Variants in NRG3 observed in about 807,000 individuals in gnomAD.
The protein encoded by NRG3 is neuregulin 3, also known as pro-neuregulin-3, membrane-bound isoform.
A neutral mutation model predicts 66.9 loss-of-function variants in NRG3; 31 were observed. That is an observed-to-expected ratio of 0.46 (90% CI 0.35 to 0.63). The LOEUF (loss-of-function observed/expected upper bound fraction) is 0.63, where lower values mean the gene tolerates loss of function less well. Among genes scored for constraint, NRG3 ranks in the 20% least tolerant of loss-of-function variants. NRG3 has a pLI of 0.00. For missense variants in NRG3, 910 were observed against 878.9 expected (o/e 1.04, Z -0.45); for synonymous variants, 393 against 359.4 (o/e 1.09, Z -1.06).
At position 82,678,066 on chromosome 10, in the gene NRG3, G is replaced by A. The variant is rs140642449; in HGVS notation, c.954-60511G>A. Among the ~76,000 whole-genome samples, 16 of 152,232 alleles carry A rather than the reference G, an allele frequency of 1.1e-4. No individual in the cohort carries two copies. The East Asian group carries it at 1.2e-3, about 11-fold the overall frequency. On this transcript the variant is annotated intron_variant, in intron 2 of 8. Transcript: ENST00000372141. ...GAAGGACATATACCAGTTAAACTCC[G>A]CCATTTTGCCTCTTAGTGCTCATGC...
rs143401392 is a variant in NRG3, at chr10:82,729,211, A to G, written c.954-9366A>G. On this transcript the variant is annotated intron_variant, in intron 2 of 8. Transcript: ENST00000372141. ...AAACTAGAATCTCACATTTTTCACA[A>G]TAGATCTTTTGTATACTAAGAAATC... Among the ~76,000 whole-genome samples, 123 of 152,146 alleles carry G rather than the reference A, an allele frequency of 8.1e-4. 1 individual carries two copies. Among genetic ancestry groups the G allele is most frequent in the African/African-American group, 2.8e-3 (118 of 41,434 alleles).
intron 6 of NRG3, among the ~76,000 whole-genome samples, chr10:82,960,805 C>A (rs909575967): frequency 6.6e-6 from 1 of 152,054 alleles, no homozygotes; most frequent in African/African-American, 2.4e-5. Flanking sequence ...CACCTTGTGA[C>A]CCCCACCCCT....
At chr10:82,780,666 T>A (rs1591502375) in intron 3 of NRG3, among the ~76,000 whole-genome samples, 1 of 152,286 alleles carries the variant, frequency 6.6e-6, no homozygotes, top group African/African-American at 2.4e-5. Context: ...TCTAATTTTC[T>A]GGCCAACAGT....
chr10:82,380,303 A>G (rs912246251), intron 2 of NRG3, among the ~76,000 whole-genome samples: 1 of 152,120 alleles, frequency 6.6e-6, no homozygotes, highest in Non-Finnish European at 1.5e-5. Context: ...AAAACTTTTA[A>G]AAATACGTAT....
intron 2 of NRG3, among the ~76,000 whole-genome samples, chr10:82,461,588 C>T (rs780837853): frequency 1.3e-5 from 2 of 152,228 alleles, no homozygotes; most frequent in Non-Finnish European, 2.9e-5. Context: ...TAAATTTGAC[C>T]GTTTTTGACT....
intron 2 of NRG3, among the ~76,000 whole-genome samples, chr10:82,412,962 C>G (rs1317223042): frequency 1.3e-5 from 2 of 152,156 alleles, no homozygotes; most frequent in Admixed American, 1.3e-4. Flanking sequence ...GTTCTCTTGC[C>G]ATTTTCACTA....
chr10:82,141,638 T>TAA (rs534218893), intron 1 of NRG3, among the ~76,000 whole-genome samples: 7 of 149,374 alleles, frequency 4.7e-5, no homozygotes, highest in African/African-American at 1.7e-4. Context: ...TCTCTTAAAA[T>TAA]AAAAAAAAAA....
chr10:82,715,720 G>A (rs912922398), intron 2 of NRG3, among the ~76,000 whole-genome samples: 2 of 152,254 alleles, frequency 1.3e-5, no homozygotes, highest in East Asian at 1.9e-4. Context: ...CAGTGTCACT[G>A]GAAGGTTAAG....
At chr10:81,972,617 A>G (rs2059971880) in intron 1 of NRG3, among the ~76,000 whole-genome samples, 1 of 152,194 alleles carries the variant, frequency 6.6e-6, no homozygotes, top group Admixed American at 6.5e-5. Flanking sequence ...TCATGAAATA[A>G]AACTAATAGA....
intron 1 of NRG3, among the ~76,000 whole-genome samples, chr10:82,050,514 G>A (rs576493976): frequency 1.3e-5 from 2 of 151,960 alleles, no homozygotes; most frequent in East Asian, 3.9e-4. Flanking sequence ...CTGTTAGTCT[G>A]TGTGTCCTGC....
chr10:81,960,609 G>C (rs1223904360), intron 1 of NRG3, among the ~76,000 whole-genome samples: 1 of 151,614 alleles, frequency 6.6e-6, no homozygotes, highest in Admixed American at 6.6e-5. Context: ...CAGTGTCTCG[G>C]TAATTAGAAC....
chr10:82,371,032 G>A (rs1278886847), intron 2 of NRG3, among the ~76,000 whole-genome samples: 3 of 151,816 alleles, frequency 2.0e-5, no homozygotes, highest in Non-Finnish European at 2.9e-5. Flanking sequence ...CATCATGCAA[G>A]ACACTGAGGT....
intron 3 of NRG3, among the ~76,000 whole-genome samples, chr10:82,772,099 C>CT (rs2059733747): frequency 6.6e-6 from 1 of 152,062 alleles, no homozygotes; most frequent in African/African-American, 2.4e-5. Context: ...TTGATGTCTA[C>CT]TTTTTTTCAA....
At chr10:82,937,962 C>T (rs1180102406) in intron 4 of NRG3, among the ~76,000 whole-genome samples, 2 of 151,996 alleles carry the variant, frequency 1.3e-5, no homozygotes, top group African/African-American at 4.8e-5. Flanking sequence ...TATAAAAAGC[C>T]CCACTGGATT....
intron 1 of NRG3, among the ~76,000 whole-genome samples, chr10:82,231,622 T>C (rs1250045009): frequency 6.6e-6 from 1 of 152,196 alleles, no homozygotes; most frequent in African/African-American, 2.4e-5. Flanking sequence ...GGAATGGATA[T>C]CTGTGCATCA....
At chr10:82,791,026 A>G (rs1458718308) in intron 3 of NRG3, among the ~76,000 whole-genome samples, 2 of 152,036 alleles carry the variant, frequency 1.3e-5, no homozygotes, top group African/African-American at 4.8e-5. Context: ...TTTGTTCAAC[A>G]TATTATGATA....
intron 2 of NRG3, among the ~76,000 whole-genome samples, chr10:82,459,231 C>A (rs893978079): frequency 6.6e-6 from 1 of 152,194 alleles, no homozygotes; most frequent in Non-Finnish European, 1.5e-5. Flanking sequence ...TCTGCCATGT[C>A]TGTGAGCCTT....
intron 1 of NRG3, among the ~76,000 whole-genome samples, chr10:82,132,494 T>TATATATATATATATG (rs2068942891): frequency 2.3e-5 from 1 of 44,380 alleles, no homozygotes; most frequent in Non-Finnish European, 3.9e-5. Context: ...ATATATATGA[T>TATATATATATATATG]ATATATATAT....
chr10:82,795,160 C>T (rs2060747791), intron 3 of NRG3, among the ~76,000 whole-genome samples: 1 of 152,096 alleles, frequency 6.6e-6, no homozygotes, highest in South Asian at 2.1e-4. Context: ...TTTGATATCA[C>T]AAAAGAGAAA....
Sources: gnomAD v4.1 joint callset for allele counts (sites outside exome capture counted in the v4.1 genomes callset) on GRCh38, gnomAD v4.1.1 for gene constraint, MANE v1.5 for transcripts, NCBI Gene and HGNC (gene_info 2026-07-23, HGNC 2026-07-21) for gene names.